Variants in CFDP1 observed in about 807,000 individuals in gnomAD.
CFDP1 encodes chromatin remodeling protein CFDP1, also known as heterochromatin-stabilizing protein CFDP1.
A neutral mutation model predicts 40.1 loss-of-function variants in CFDP1; 31 were observed. The observed-to-expected ratio is 0.77, with a 90% CI of 0.58 to 1.04. CFDP1 has a LOEUF of 1.04. Ranked by LOEUF, CFDP1 falls within the 50% of genes least tolerant of loss-of-function variation. The pLI, the probability that CFDP1 is intolerant of heterozygous loss-of-function variation, is 0.00. For synonymous variants in CFDP1, 167 were observed against 120.0 expected, an observed-to-expected ratio of 1.39 and a Z score of -2.56; for missense variants, 423 against 343.4, an observed-to-expected ratio of 1.23 and a Z score of -1.83.
At chr16:75,336,493 GA>G (rs1490176342) in intron 5 of CFDP1, among the ~76,000 whole-genome samples, 1 of 152,218 alleles carries the variant, frequency 6.6e-6, no homozygotes, top group South Asian at 2.1e-4. Context: ...TTAGCCGGGA[GA>G]AGACCCTCCA....
At chr16:75,390,586 C>A (rs1456694545) in intron 5 of CFDP1, among the ~76,000 whole-genome samples, 4 of 152,206 alleles carry the variant, frequency 2.6e-5, no homozygotes, top group Non-Finnish European at 5.9e-5. Flanking sequence ...AGTCTTGAGA[C>A]CCACTGCAAT....
At chr16:75,294,571 C>T (rs1567636863) in intron 6 of CFDP1, among the ~76,000 whole-genome samples, 2 of 152,184 alleles carry the variant, frequency 1.3e-5, no homozygotes, top group Non-Finnish European at 2.9e-5. Context: ...CACAGGACTG[C>T]AGTGAAGGTG....
chr16:75,342,909 G>C (rs1311752179), intron 5 of CFDP1, among the ~76,000 whole-genome samples: 4 of 152,118 alleles, frequency 2.6e-5, no homozygotes, highest in African/African-American at 9.7e-5. Flanking sequence ...ACAGGACAAA[G>C]AACTATCCAG....
chr16:75,303,886 A>C (rs1479496766), intron 6 of CFDP1, among the ~76,000 whole-genome samples: 1 of 152,170 alleles, frequency 6.6e-6, no homozygotes, highest in African/African-American at 2.4e-5. Context: ...TACTGGTAAG[A>C]AGCAGAGCTG....
chr16:75,386,419 A>G (rs1260304622), intron 5 of CFDP1, among the ~76,000 whole-genome samples: 1 of 152,172 alleles, frequency 6.6e-6, no homozygotes, highest in Non-Finnish European at 1.5e-5. Flanking sequence ...CAAATGAAAA[A>G]AGTTTTTGCT....
chr16:75,297,674 G>A (rs34624768), intron 6 of CFDP1, among the ~76,000 whole-genome samples: 79,129 of 151,542 alleles, frequency 0.52, 21,772 homozygotes, highest in Admixed American at 0.67. Flanking sequence ...TGCTTCCATT[G>A]CCTTCTGTGG....
chr16:75,324,055 T>C (rs1036673225), intron 5 of CFDP1, among the ~76,000 whole-genome samples: 2 of 152,216 alleles, frequency 1.3e-5, no homozygotes, highest in African/African-American at 2.4e-5. Context: ...TTGAGTGCCT[T>C]CAGTGTGCCA....
At chr16:75,426,021 G>A (rs938201171) in intron 1 of CFDP1, among the ~76,000 whole-genome samples, 1 of 90,558 alleles carries the variant, frequency 1.1e-5, no homozygotes, top group African/African-American at 4.5e-5. Context: ...GGGCAACAGA[G>A]CAACACTCTG....
At position 75,335,625 on chromosome 16, in the gene CFDP1, C is replaced by T. The variant is rs371794375; in HGVS notation, c.651-30443G>A. On this transcript the variant is annotated intron_variant, in intron 5 of 6. Transcript: ENST00000283882. Reference sequence around the variant, plus strand: ...AGGCTGGAGTGCAGTGGCACGATCTCGGCTCACTGCAAGCTCCGCCTCCCG... The same window carrying T: ...AGGCTGGAGTGCAGTGGCACGATCTTGGCTCACTGCAAGCTCCGCCTCCCG... Among the ~76,000 whole-genome samples, 991 of 148,578 alleles carry T rather than the reference C, an allele frequency of 6.7e-3. 11 individuals carry two copies. The highest frequency in any genetic ancestry group is 0.018 in the Middle Eastern group (5 of 282).
intron 1 of CFDP1, among the ~76,000 whole-genome samples, chr16:75,418,149 G>A (rs1299008494): frequency 6.6e-6 from 1 of 150,786 alleles, no homozygotes; most frequent in East Asian, 2.0e-4. Context: ...GCTACTCAGG[G>A]AGCTGAGGCA....
chr16:75,305,278 C>A, intron 5 of CFDP1, 96 bp from the exon 6 acceptor site: 4 of 1,258,732 alleles, frequency 3.2e-6, no homozygotes, highest in Non-Finnish European at 4.4e-6. Context: ...TAGATTGGGG[C>A]CATTTATCTT....
chr16:75,314,233 A>C (rs1262676190), intron 5 of CFDP1, among the ~76,000 whole-genome samples: 12 of 152,210 alleles, frequency 7.9e-5, no homozygotes. Flanking sequence ...AAGGAAGTGA[A>C]TAACTACCTT....
At chr16:75,415,097 A>T (rs1033001198) in intron 1 of CFDP1, among the ~76,000 whole-genome samples, 6 of 152,196 alleles carry the variant, frequency 3.9e-5, no homozygotes, top group African/African-American at 1.4e-4. Flanking sequence ...CTGATGCACT[A>T]CCTCATCTTG....
chr16:75,411,786 T>C, intron 4 of CFDP1, 39 bp downstream of exon 4: 1 of 1,590,454 alleles, frequency 6.3e-7, no homozygotes, highest in Non-Finnish European at 8.6e-7. Flanking sequence ...CGCTCATTTT[T>C]GAAAATGCTA....
chr16:75,315,724 C>T (rs1483559512), intron 5 of CFDP1, among the ~76,000 whole-genome samples: 2 of 152,104 alleles, frequency 1.3e-5, no homozygotes, highest in Non-Finnish European at 2.9e-5. Context: ...CGTGTGGAGC[C>T]ATTGCATCAT....
chr16:75,410,065 A>C (rs113601109), intron 4 of CFDP1, among the ~76,000 whole-genome samples: 4 of 146,544 alleles, frequency 2.7e-5, no homozygotes, highest in African/African-American at 7.6e-5. Context: ...CAAAAAAAAA[A>C]AAAAAAAAAA....
At chr16:75,324,528 G>A (rs1265838792) in intron 5 of CFDP1, 1 of 152,086 alleles carries the variant, frequency 6.6e-6, no homozygotes, top group South Asian at 2.1e-4. Flanking sequence ...GGTCACCTGA[G>A]GTCAGGAGTT....
intron 5 of CFDP1, among the ~76,000 whole-genome samples, chr16:75,384,852 C>CTATATATATATATATATA (rs59681577): frequency 1.7e-5 from 2 of 119,956 alleles, no homozygotes; most frequent in African/African-American, 3.6e-5. Flanking sequence ...GAAACTAAAA[C>CTATATATATATATATATA]TATATATATA....
chr16:75,370,389 G>C (rs183572005), intron 5 of CFDP1, among the ~76,000 whole-genome samples: 1 of 152,016 alleles, frequency 6.6e-6, no homozygotes, highest in Admixed American at 6.6e-5. Context: ...CACCACGCTC[G>C]GCCAAATTTT....
Sources: allele counts gnomAD v4.1 joint callset (sites outside exome capture counted in the v4.1 genomes callset), GRCh38; gene constraint gnomAD v4.1.1; transcripts MANE v1.5; gene names NCBI Gene and HGNC (gene_info 2026-07-23, HGNC 2026-07-21).